Variants in PEX5L observed in about 807,000 individuals in gnomAD.
PEX5L encodes the protein PEX5-related protein.
A neutral mutation model predicts 84.0 loss-of-function variants in PEX5L; 30 were observed. The ratio of observed to expected loss-of-function variants is 0.36; its 90% CI spans 0.27 to 0.48. The LOEUF is 0.48. Among genes scored for constraint, PEX5L ranks in the 20% least tolerant of loss-of-function variants. The pLI, the probability that PEX5L is intolerant of heterozygous loss-of-function variation, is 0.99. For missense variants in PEX5L, 533 were observed against 754.6 expected (o/e 0.71, Z 3.44); for synonymous variants, 270 against 283.1 (o/e 0.95, Z 0.46).
chr3:179,908,174 G>T (rs1359689892), intron 2 of PEX5L, among the ~76,000 whole-genome samples: 11 of 152,192 alleles, frequency 7.2e-5, no homozygotes, highest in African/African-American at 2.7e-4. Flanking sequence ...TCCTCATAAT[G>T]CTCTTGGGTT....
At chr3:179,823,899 AT>A (rs142435982) in intron 8 of PEX5L, among the ~76,000 whole-genome samples, 1,858 of 151,400 alleles carry the variant, frequency 0.012, 30 homozygotes, top group African/African-American at 0.035. Context: ...ACAGAATCAC[AT>A]TTTTTTTTAA....
At position 179,796,556 on chromosome 3, in the gene PEX5L, C is replaced by T. The variant is rs1357187361; in HGVS notation, c.*5272G>A. ...TAACTGTTTAATGCCTCCCCACAAT[C>T]GTCTTTGCTATGTGTGTTATGTGTA... On this transcript the variant is annotated 3_prime_UTR_variant, in exon 15 of 15. Coordinates refer to ENST00000467460, the MANE Select transcript of PEX5L (RefSeq NM_016559.3). 1.3e-5 allele frequency: 2 copies of T among 151,716 alleles called. No homozygotes were observed. The highest frequency in any genetic ancestry group is 2.9e-5 in the Non-Finnish European group (2 of 67,946). The allele number at this position is 151,716 out of a possible 1,614,324, so 9.4% of individuals were successfully genotyped here.
At chr3:180,012,600 A>T (rs1256985214) in intron 1 of PEX5L, among the ~76,000 whole-genome samples, 2 of 152,140 alleles carry the variant, frequency 1.3e-5, no homozygotes, top group Non-Finnish European at 2.9e-5. Context: ...GTACTACAAA[A>T]AAGAGTTAAA....
At chr3:179,935,958 C>A (rs1221520369) in intron 2 of PEX5L, among the ~76,000 whole-genome samples, 4 of 152,266 alleles carry the variant, frequency 2.6e-5, no homozygotes, top group African/African-American at 9.6e-5. Context: ...TGCATGAGGC[C>A]CCCACCAGAA....
chr3:179,829,189 C>T (rs748621595), intron 8 of PEX5L, among the ~76,000 whole-genome samples: 106 of 152,202 alleles, frequency 7.0e-4, no homozygotes, highest in Admixed American at 2.3e-3. Flanking sequence ...CTCTCCAAAC[C>T]TTTTCCAATT....
intron 9 of PEX5L, among the ~76,000 whole-genome samples, chr3:179,816,526 G>T (rs149203484): frequency 0.16 from 23,965 of 152,036 alleles, 2,000 homozygotes; most frequent in South Asian, 0.19. Flanking sequence ...TCATAAGTGG[G>T]AGTTGAACAA....
chr3:179,847,936 G>T (rs1435754446), intron 8 of PEX5L, among the ~76,000 whole-genome samples: 1 of 151,178 alleles, frequency 6.6e-6, no homozygotes, highest in African/African-American at 2.4e-5. Flanking sequence ...GGGCTCAAGT[G>T]ATTCTCCTGC....
At chr3:179,837,974 C>T (rs1209521654) in intron 8 of PEX5L, among the ~76,000 whole-genome samples, 1 of 152,162 alleles carries the variant, frequency 6.6e-6, no homozygotes, top group African/African-American at 2.4e-5. Context: ...AGTCTTCCTG[C>T]TGTGTTGCAT....
intron 8 of PEX5L, among the ~76,000 whole-genome samples, chr3:179,851,229 C>T (rs1053629375): frequency 4.6e-5 from 7 of 152,164 alleles, no homozygotes; most frequent in Non-Finnish European, 1.0e-4. Flanking sequence ...AAACAGCAAA[C>T]ATTTATTTCT....
chr3:179,952,829 T>A (rs1364266695), intron 2 of PEX5L, among the ~76,000 whole-genome samples: 1 of 152,176 alleles, frequency 6.6e-6, no homozygotes, highest in Non-Finnish European at 1.5e-5. Flanking sequence ...GCTGGAGGCA[T>A]CACGCTACCT....
chr3:179,847,928 G>A (rs1186336087), intron 8 of PEX5L, among the ~76,000 whole-genome samples: 2 of 151,738 alleles, frequency 1.3e-5, no homozygotes, highest in African/African-American at 2.4e-5. Context: ...GAACTCCTGG[G>A]CTCAAGTGAT....
chr3:180,026,404 T>C (rs1331256046), intron 1 of PEX5L, among the ~76,000 whole-genome samples: 1 of 152,190 alleles, frequency 6.6e-6, no homozygotes, highest in Non-Finnish European at 1.5e-5. Context: ...CAGGGCATCT[T>C]GATTATCATC....
intron 7 of PEX5L, among the ~76,000 whole-genome samples, chr3:179,860,231 G>A (rs1577708846): frequency 6.6e-6 from 1 of 152,248 alleles, no homozygotes; most frequent in South Asian, 2.1e-4. Context: ...CCAGACAAGG[G>A]ATGAGTGCCC....
chr3:180,005,019 A>T (rs9823631), intron 1 of PEX5L, among the ~76,000 whole-genome samples: 29,765 of 152,064 alleles, frequency 0.2, 3,527 homozygotes, highest in African/African-American at 0.34. Flanking sequence ...ATATTTAAAA[A>T]TTGAAAACTT....
rs186460573 is a variant in PEX5L, at chr3:180,008,203, C to T, written c.21+28376G>A. 1.8e-3 allele frequency among the ~76,000 whole-genome samples: 277 copies of T among 152,264 alleles called. 2 individuals carry two copies. The highest frequency in any genetic ancestry group is 6.8e-3 in the Middle Eastern group (2 of 294). On this transcript the variant is annotated intron_variant, in intron 1 of 14. Coordinates refer to ENST00000467460, the MANE Select transcript of PEX5L (RefSeq NM_016559.3). ...TACCCTAAATCATCTTTCTCAAGTT[C>T]GAAATTCCACAAATCTCTAGGGCAG... is the stretch of plus-strand genomic sequence containing the variant.
chr3:179,887,094 T>C (rs1463857175), intron 4 of PEX5L, among the ~76,000 whole-genome samples: 1 of 152,232 alleles, frequency 6.6e-6, no homozygotes, highest in Admixed American at 6.5e-5. Context: ...GATTCCTATA[T>C]GTGACAGGCA....
At chr3:180,001,282 G>A (rs6809656) in intron 1 of PEX5L, among the ~76,000 whole-genome samples, 11,749 of 150,300 alleles carry the variant, frequency 0.078, 741 homozygotes, top group African/African-American at 0.17. Context: ...GGGACCTTAT[G>A]ATCATGTGAG....
At chr3:179,841,847 T>C (rs372366522) in intron 8 of PEX5L, among the ~76,000 whole-genome samples, 1 of 152,336 alleles carries the variant, frequency 6.6e-6, no homozygotes, top group East Asian at 1.9e-4. Context: ...GTCACCTACA[T>C]ATTTCATACA....
At chr3:179,847,453 A>C (rs1001064994) in intron 8 of PEX5L, among the ~76,000 whole-genome samples, 3 of 152,164 alleles carry the variant, frequency 2.0e-5, no homozygotes, top group Admixed American at 2.0e-4. Flanking sequence ...TCTCTTAATC[A>C]ATAGGAAGTA....
Sources: gnomAD v4.1 joint callset for allele counts (sites outside exome capture counted in the v4.1 genomes callset) on GRCh38, gnomAD v4.1.1 for gene constraint, MANE v1.5 for transcripts, NCBI Gene and HGNC (gene_info 2026-07-23, HGNC 2026-07-21) for gene names.